ZNF251: variants seen among roughly 807,000 people sequenced by gnomAD.
The protein encoded by ZNF251 is zinc finger protein 251.
A neutral mutation model predicts 13.5 loss-of-function variants in ZNF251; 14 were observed. The observed-to-expected ratio is 1.04, with a 90% CI of 0.69 to 1.63. ZNF251 has a LOEUF of 1.63. Among genes scored for constraint, ZNF251 ranks in the 40% most tolerant of loss-of-function variants. The probability of loss-of-function intolerance (pLI) is 0.00; values close to 1 mark genes in which losing one functional copy is unlikely to be tolerated. For missense variants in ZNF251, 764 were observed against 834.9 expected (o/e 0.92, Z 1.05); for synonymous variants, 287 against 295.2 (o/e 0.97, Z 0.28).
intron 4 of ZNF251, chr8:144,738,779 A>C (rs562197657): frequency 1.0e-6 from 1 of 984,120 alleles, no homozygotes; most frequent in Admixed American, 6.2e-5. Flanking sequence ...GAAACAGCAC[A>C]GTTCTCTCAT....
intron 4 of ZNF251, among the ~76,000 whole-genome samples, chr8:144,728,588 G>A (rs1013695709): frequency 6.0e-5 from 9 of 150,976 alleles, no homozygotes; most frequent in Admixed American, 2.6e-4. Context: ...GCATGAACCC[G>A]GGAGGCGGAG....
At chr8:144,740,632 T>A (rs1238048489) in intron 4 of ZNF251, among the ~76,000 whole-genome samples, 1 of 135,494 alleles carries the variant, frequency 7.4e-6, no homozygotes, top group Non-Finnish European at 1.6e-5. Context: ...CAAGACTAAA[T>A]CTCAAAAAAA....
intron 4 of ZNF251, among the ~76,000 whole-genome samples, chr8:144,729,377 C>A (rs1437250145): frequency 1.3e-5 from 2 of 149,514 alleles, no homozygotes; most frequent in East Asian, 4.0e-4. Context: ...TGCTCTGTCG[C>A]CCAGGCTGGA....
intron 4 of ZNF251, among the ~76,000 whole-genome samples, chr8:144,730,932 C>T (rs779540367): frequency 3.3e-5 from 5 of 152,104 alleles, no homozygotes; most frequent in Admixed American, 6.5e-5. Context: ...CACCCAGTGA[C>T]GGTCGTGGGA....
intron 4 of ZNF251, among the ~76,000 whole-genome samples, chr8:144,744,614 T>C (rs1325195374): frequency 6.6e-6 from 1 of 152,152 alleles, no homozygotes; most frequent in African/African-American, 2.4e-5. Flanking sequence ...AGTGCTCTTA[T>C]AAGAAGAGAT....
At chr8:144,739,420 A>C (rs1824056911) in intron 4 of ZNF251, among the ~76,000 whole-genome samples, 1 of 152,106 alleles carries the variant, frequency 6.6e-6, no homozygotes, top group Non-Finnish European at 1.5e-5. Context: ...TCCCCCGCCT[A>C]AACTAGGATC....
At chr8:144,749,883 T>C (rs58682924) in intron 4 of ZNF251, among the ~76,000 whole-genome samples, 41 of 124,922 alleles carry the variant, frequency 3.3e-4, no homozygotes, top group African/African-American at 1.6e-3. Context: ...TTCTTTTTTT[T>C]CTTTTTTTTT....
chr8:144,730,145 C>A, intron 4 of ZNF251: 1 of 983,280 alleles, frequency 1.0e-6, no homozygotes, highest in African/African-American at 1.7e-5. Context: ...AGGAACCAAA[C>A]AGGGAAGTGG....
intron 4 of ZNF251, among the ~76,000 whole-genome samples, chr8:144,731,269 C>T (rs1823686089): frequency 6.6e-6 from 1 of 152,220 alleles, no homozygotes; most frequent in Non-Finnish European, 1.5e-5. Context: ...CAGTGGCTAT[C>T]AGAACCATAG....
intron 4 of ZNF251, among the ~76,000 whole-genome samples, chr8:144,751,326 TTTTCC>T (rs527627536): frequency 3.3e-5 from 5 of 152,226 alleles, no homozygotes; most frequent in Non-Finnish European, 7.3e-5. Flanking sequence ...GCCTTTTTCC[TTTTCC>T]TTTTTTATAA....
chr8:144,752,677 A>C (rs1824752081), intron 4 of ZNF251, among the ~76,000 whole-genome samples: 1 of 152,220 alleles, frequency 6.6e-6, no homozygotes, highest in Admixed American at 6.5e-5. Context: ...CTAGAAGACA[A>C]GCTCCAGCCA....
chr8:144,742,336 C>T (rs1190387261), intron 4 of ZNF251, among the ~76,000 whole-genome samples: 3 of 152,000 alleles, frequency 2.0e-5, no homozygotes, highest in Admixed American at 6.6e-5. Context: ...CAGCTAGAAA[C>T]TCAGATCATC....
rs375090336 is a variant in ZNF251, at chr8:144,724,217, G to A, written c.278-835C>T. Among the ~76,000 whole-genome samples, 52 of 140,370 alleles carry A rather than the reference G, an allele frequency of 3.7e-4. No homozygotes were observed. In the East Asian group the frequency reaches 8.0e-3, roughly 22 times the overall value. 92.1% of individuals were successfully genotyped at this position (140,370 alleles called of 152,430 possible). ...GCAGAGCTTGCAGTGAGCTGAGATC[G>A]CGCCACTGCACTCCAGCCCGGGCAA... On this transcript the variant is annotated intron_variant, in intron 4 of 4. Coordinates refer to ENST00000292562, the MANE Select transcript of ZNF251 (RefSeq NM_138367.2).
chr8:144,751,180 T>C (rs1353892649), intron 4 of ZNF251, among the ~76,000 whole-genome samples: 3 of 152,212 alleles, frequency 2.0e-5, no homozygotes, highest in Admixed American at 2.0e-4. Context: ...CAGTGATTTG[T>C]CCTCTGACCT....
rs746786602 is a variant in ZNF251, at chr8:144,723,294, T to C, written c.366A>G (p.Arg122=). 59 of 1,571,754 alleles carry C rather than the reference T, an allele frequency of 3.8e-5. No individual in the cohort carries two copies. The highest frequency in any genetic ancestry group is 4.7e-5 in the Non-Finnish European group (55 of 1,161,370). ...EVKTPEFVSR[R]LLRDNAQAAE... ...CGGCCTGTGCATTATCCCTTAAGAG[T>C]CTTCTTGATACAAATTCTGGGGTTT... Residue 122 remains arginine (R), a synonymous_variant, in exon 5 of 5, where the codon AGA becomes AGG. Coordinates refer to ENST00000292562, the MANE Select transcript of ZNF251 (RefSeq NM_138367.2).
intron 4 of ZNF251, among the ~76,000 whole-genome samples, chr8:144,731,938 T>C (rs980021323): frequency 6.9e-6 from 1 of 145,770 alleles, no homozygotes; most frequent in Non-Finnish European, 1.5e-5. Flanking sequence ...GGACATGTCC[T>C]GACAGCTGCA....
chr8:144,749,558 T>G (rs1231866253), intron 4 of ZNF251, among the ~76,000 whole-genome samples: 1 of 152,246 alleles, frequency 6.6e-6, no homozygotes, highest in African/African-American at 2.4e-5. Context: ...TTGTTACCAT[T>G]TTCTACTTTT....
chr8:144,725,571 T>C lies in ZNF251; in HGVS notation c.278-2189A>G, dbSNP rs551917467. On this transcript the variant is annotated intron_variant, in intron 4 of 4. Coordinates refer to ENST00000292562, the MANE Select transcript of ZNF251 (RefSeq NM_138367.2). ...CCTCCCAAAGTGCTGGGATTACAGG[T>C]GTGAGCCACTGCACTCAGCCCAATA... Among the ~76,000 whole-genome samples the C allele has an allele frequency of 2.0e-5, 3 of 152,174 alleles. No homozygotes were observed. In the South Asian group the frequency reaches 6.2e-4, roughly 32 times the overall value.
At chr8:144,737,526 C>A (rs375522325) in intron 4 of ZNF251, among the ~76,000 whole-genome samples, 14 of 145,746 alleles carry the variant, frequency 9.6e-5, no homozygotes, top group African/African-American at 3.6e-4. Context: ...AACAAACAAA[C>A]AAACAAAAAA....
Sources: gnomAD v4.1 joint callset for allele counts (sites outside exome capture counted in the v4.1 genomes callset) on GRCh38, gnomAD v4.1.1 for gene constraint, MANE v1.5 for transcripts, NCBI Gene and HGNC (gene_info 2026-07-23, HGNC 2026-07-21) for gene names.